The following PSMA1 variants were observed in gnomAD, a reference collection of about 807,000 sequenced individuals.
PSMA1 encodes the protein proteasome subunit alpha type-1.
In PSMA1, 3 loss-of-function variants were observed where a neutral mutation model predicts 38.4. The ratio of observed to expected loss-of-function variants is 0.08; its 90% CI spans 0.04 to 0.20. PSMA1 has a LOEUF of 0.20. PSMA1 is among the 10% of genes least tolerant of loss of function. The pLI, the probability that PSMA1 is intolerant of heterozygous loss-of-function variation, is 1.00. For missense variants in PSMA1, 227 were observed against 325.3 expected (o/e 0.70, Z 2.32); for synonymous variants, 101 against 107.1 (o/e 0.94, Z 0.35).
At chr11:14,525,672 C>A (rs1352431165) in intron 2 of PSMA1, among the ~76,000 whole-genome samples, 1 of 152,158 alleles carries the variant, frequency 6.6e-6, no homozygotes, top group African/African-American at 2.4e-5. Flanking sequence ...GTCCTCAATA[C>A]CTTCCTCCAC....
chr11:14,536,874 C>T (rs1307863291), intron 2 of PSMA1, among the ~76,000 whole-genome samples: 1 of 152,196 alleles, frequency 6.6e-6, no homozygotes, highest in African/African-American at 2.4e-5. Context: ...CTCGGCCTCC[C>T]GAAGTGCTGG....
chr11:14,523,260 AAACAAC>A (rs564498790), upstream of PSMA1, among the ~76,000 whole-genome samples: 1 of 152,108 alleles, frequency 6.6e-6, no homozygotes, highest in Middle Eastern at 3.2e-3. Flanking sequence ...ACATCGTTAA[AAACAAC>A]AACAACAACA....
At chr11:14,527,126 T>A (rs1447579459) in intron 2 of PSMA1, among the ~76,000 whole-genome samples, 1 of 152,180 alleles carries the variant, frequency 6.6e-6, no homozygotes, top group Non-Finnish European at 1.5e-5. Context: ...AAGGCCGCTT[T>A]ACTTCCAAAG....
chr11:14,611,874 T>G (rs1258552878), intron 1 of PSMA1, among the ~76,000 whole-genome samples: 2 of 152,204 alleles, frequency 1.3e-5, no homozygotes, highest in Non-Finnish European at 2.9e-5. Context: ...TTATTTTGAG[T>G]GGAATAGAAC....
chr11:14,608,305 C>A (rs1023664008), intron 2 of PSMA1, among the ~76,000 whole-genome samples: 1 of 151,798 alleles, frequency 6.6e-6, no homozygotes, highest in Non-Finnish European at 1.5e-5. Context: ...GAGCTATGAG[C>A]CTGGGTGCAC....
At chr11:14,620,653 C>T (rs943690457) in intron 1 of PSMA1, among the ~76,000 whole-genome samples, 2 of 152,150 alleles carry the variant, frequency 1.3e-5, no homozygotes, top group Admixed American at 1.3e-4. Flanking sequence ...GTTTTGAGGT[C>T]GTCTAGACCT....
At chr11:14,548,969 T>C (rs1851856842) in intron 2 of PSMA1, among the ~76,000 whole-genome samples, 1 of 152,180 alleles carries the variant, frequency 6.6e-6, no homozygotes, top group South Asian at 2.1e-4. Context: ...CAACACCTTA[T>C]GACAGGTCTC....
chr11:14,640,145 A>C (rs1419834632), intron 1 of PSMA1, among the ~76,000 whole-genome samples: 1 of 152,220 alleles, frequency 6.6e-6, no homozygotes. Flanking sequence ...TAGGAGAAGT[A>C]AAAGAAGTTA....
chr11:14,619,056 T>C lies in PSMA1; in HGVS notation c.-165-7905A>G, dbSNP rs1334756370. On this transcript the variant is annotated intron_variant, in intron 1 of 10. Coordinates refer to the PSMA1 transcript ENST00000418988. ...TTGAATCTCCCTTTGTATTAAGCAC[T>C]GTGCTAGAAATTCTGGAAAAAAGAT... Among the ~76,000 whole-genome samples the C allele has an allele frequency of 2.6e-5, 4 of 152,324 alleles. No individual in the cohort carries two copies. The East Asian group carries it at 7.7e-4, about 29-fold the overall frequency.
chr11:14,640,876 T>C lies in PSMA1; in HGVS notation c.-166+2579A>G, dbSNP rs566649691. ...TTTACTGCCTATTTCTGAGTTTCTT[T>C]GATATTTAAAATGTGTCAGACCACT... On this transcript the variant is annotated intron_variant, in intron 1 of 10. Transcript: ENST00000418988. Among the ~76,000 whole-genome samples the C allele has an allele frequency of 2.3e-4, 35 of 152,276 alleles. No individual in the cohort carries two copies. In the South Asian group the frequency reaches 6.6e-3, roughly 29 times the overall value.
chr11:14,548,999 A>G (rs1466325125), intron 2 of PSMA1, among the ~76,000 whole-genome samples: 1 of 152,048 alleles, frequency 6.6e-6, no homozygotes, highest in African/African-American at 2.4e-5. Context: ...GAAATCTGCT[A>G]TGTTGTTTTA....
At chr11:14,592,266 A>G (rs1402538285) in intron 2 of PSMA1, among the ~76,000 whole-genome samples, 1 of 152,068 alleles carries the variant, frequency 6.6e-6, no homozygotes, top group Non-Finnish European at 1.5e-5. Context: ...CCAATTCCGG[A>G]CACACCAGGA....
chr11:14,605,895 C>G (rs916645989), intron 2 of PSMA1, among the ~76,000 whole-genome samples: 1 of 152,152 alleles, frequency 6.6e-6, no homozygotes, highest in African/African-American at 2.4e-5. Context: ...TTAGGTGTCA[C>G]TTGTCAATGT....
chr11:14,530,901 C>CAAAA (rs10670662), intron 2 of PSMA1, among the ~76,000 whole-genome samples: 43 of 107,952 alleles, frequency 4.0e-4, no homozygotes, highest in African/African-American at 1.5e-3. Context: ...GACTCCGTCT[C>CAAAA]AAAAAAAAAA....
At chr11:14,587,619 T>A (rs1418015789) in intron 2 of PSMA1, among the ~76,000 whole-genome samples, 1 of 151,472 alleles carries the variant, frequency 6.6e-6, no homozygotes, top group Non-Finnish European at 1.5e-5. Flanking sequence ...CCTGGCTAGA[T>A]CCCAGCTGAC....
chr11:14,573,191 C>T (rs574615048), intron 2 of PSMA1, among the ~76,000 whole-genome samples: 1 of 152,174 alleles, frequency 6.6e-6, no homozygotes, highest in South Asian at 2.1e-4. Flanking sequence ...GATACCAAGC[C>T]TGGCAGAGAC....
At chr11:14,574,457 T>C (rs1852188246) in intron 2 of PSMA1, among the ~76,000 whole-genome samples, 2 of 152,212 alleles carry the variant, frequency 1.3e-5, no homozygotes, top group Admixed American at 1.3e-4. Context: ...GTGCAAGAGT[T>C]GAGGCTTGGA....
At chr11:14,590,010 G>A (rs1456209756) in intron 2 of PSMA1, among the ~76,000 whole-genome samples, 1 of 152,212 alleles carries the variant, frequency 6.6e-6, no homozygotes, top group African/African-American at 2.4e-5. Flanking sequence ...ATATTATCCA[G>A]CTTTAAAAGG....
chr11:14,620,492 T>C (rs1465149631), intron 1 of PSMA1, among the ~76,000 whole-genome samples: 1 of 152,226 alleles, frequency 6.6e-6, no homozygotes, highest in Non-Finnish European at 1.5e-5. Context: ...GAATTATCCC[T>C]GGTTTAGCCT....
Sources: gnomAD v4.1 joint callset for allele counts (sites outside exome capture counted in the v4.1 genomes callset) on GRCh38, gnomAD v4.1.1 for gene constraint, MANE v1.5 for transcripts, NCBI Gene and HGNC (gene_info 2026-07-23, HGNC 2026-07-21) for gene names.